GUCY1A2: variants seen among roughly 807,000 people sequenced by gnomAD.
The protein encoded by GUCY1A2 is guanylate cyclase soluble subunit alpha-2.
A neutral mutation model predicts 63.5 loss-of-function variants in GUCY1A2; 27 were observed. The ratio of observed to expected loss-of-function variants is 0.43; its 90% CI spans 0.31 to 0.59. The LOEUF (loss-of-function observed/expected upper bound fraction) is 0.59, where lower values mean the gene tolerates loss of function less well. Ranked by LOEUF, GUCY1A2 falls within the 20% of genes least tolerant of loss-of-function variation. GUCY1A2 has a pLI of 0.11. For synonymous variants in GUCY1A2, 364 were observed against 343.5 expected (o/e 1.06, Z -0.66); for missense variants, 768 against 913.3 (o/e 0.84, Z 2.05).
chr11:106,946,349 A>C (rs1860828364), intron 3 of GUCY1A2, among the ~76,000 whole-genome samples: 3 of 152,182 alleles, frequency 2.0e-5, no homozygotes, highest in African/African-American at 7.2e-5. Flanking sequence ...TCAAAACAGC[A>C]AAAGACCAGA....
intron 5 of GUCY1A2, among the ~76,000 whole-genome samples, chr11:106,782,441 C>T (rs1177639252): frequency 6.6e-6 from 1 of 152,172 alleles, no homozygotes; most frequent in African/African-American, 2.4e-5. Flanking sequence ...CCTCATCATG[C>T]TCAGGTGGGT....
intron 5 of GUCY1A2, among the ~76,000 whole-genome samples, chr11:106,781,251 A>G (rs1461241605): frequency 1.3e-5 from 2 of 152,156 alleles, no homozygotes; most frequent in African/African-American, 4.8e-5. Flanking sequence ...TATTTTCACC[A>G]TCTCCCACCT....
At chr11:106,868,899 C>T (rs1859633606) in intron 4 of GUCY1A2, among the ~76,000 whole-genome samples, 5 of 152,088 alleles carry the variant, frequency 3.3e-5, no homozygotes, top group Non-Finnish European at 5.9e-5. Flanking sequence ...GTACTGGTAC[C>T]AAAACAGAGA....
intron 4 of GUCY1A2, among the ~76,000 whole-genome samples, chr11:106,893,458 T>A (rs1190000753): frequency 1.3e-5 from 1 of 78,546 alleles, no homozygotes; most frequent in Non-Finnish European, 3.0e-5. Context: ...CTGTCACACA[T>A]AGGCCAAATA....
intron 3 of GUCY1A2, among the ~76,000 whole-genome samples, chr11:106,961,453 C>T (rs570618054): frequency 6.6e-6 from 1 of 152,222 alleles, no homozygotes; most frequent in East Asian, 1.9e-4. Flanking sequence ...TCCCTCAACA[C>T]TATTTAATTC....
intron 4 of GUCY1A2, among the ~76,000 whole-genome samples, chr11:106,817,557 G>A (rs1193953925): frequency 6.6e-6 from 1 of 152,012 alleles, no homozygotes; most frequent in Non-Finnish European, 1.5e-5. Context: ...TCAACAGTGT[G>A]AAGAAACGAC....
intron 1 of GUCY1A2, among the ~76,000 whole-genome samples, chr11:106,988,045 G>A (rs1861424093): frequency 6.6e-6 from 1 of 152,138 alleles, no homozygotes; most frequent in Non-Finnish European, 1.5e-5. Flanking sequence ...GCCTCAGACT[G>A]GCACAAATGT....
Position 106,676,922 on chromosome 11 carries a change from A to C in GUCY1A2, c.*10627T>G. The C allele has an allele frequency of 4.8e-6, 1 of 207,752 alleles. No homozygotes were observed. The highest frequency in any genetic ancestry group is 1.9e-4 in the South Asian group (1 of 5,298). 12.9% of individuals were successfully genotyped at this position (207,752 alleles called of 1,614,324 possible). On this transcript the variant is annotated 3_prime_UTR_variant, in exon 8 of 8. Coordinates refer to ENST00000526355, the MANE Select transcript of GUCY1A2 (RefSeq NM_000855.3). Reference sequence around the variant, plus strand: ...TGAAAAAGTGTTTAAATTCAATGAAAATGAACACACATAGATTTTTATAGA... The same window carrying C: ...TGAAAAAGTGTTTAAATTCAATGAACATGAACACACATAGATTTTTATAGA...
intron 3 of GUCY1A2, among the ~76,000 whole-genome samples, chr11:106,974,246 G>T (rs953121480): frequency 6.6e-6 from 1 of 152,028 alleles, no homozygotes; most frequent in African/African-American, 2.4e-5. Flanking sequence ...GTTATTTATT[G>T]CTATTAATCT....
chr11:106,876,564 C>T (rs1241841956), intron 4 of GUCY1A2, among the ~76,000 whole-genome samples: 1 of 152,072 alleles, frequency 6.6e-6, no homozygotes, highest in African/African-American at 2.4e-5. Context: ...ACAAATCATA[C>T]ATGACCAACC....
intron 6 of GUCY1A2, among the ~76,000 whole-genome samples, chr11:106,733,624 C>T (rs1341104289): frequency 6.6e-6 from 1 of 152,144 alleles, no homozygotes; most frequent in African/African-American, 2.4e-5. Flanking sequence ...AAGACTGGCT[C>T]TGAAGAACAG....
chr11:106,845,153 A>T (rs7943998), intron 4 of GUCY1A2, among the ~76,000 whole-genome samples: 1 of 151,432 alleles, frequency 6.6e-6, no homozygotes, highest in African/African-American at 2.4e-5. Context: ...TGTTTTGAAA[A>T]ATTATCAATG....
At chr11:106,767,002 C>T (rs1348535905) in intron 6 of GUCY1A2, among the ~76,000 whole-genome samples, 2 of 152,022 alleles carry the variant, frequency 1.3e-5, no homozygotes, top group African/African-American at 2.4e-5. Flanking sequence ...TTCCTAACTG[C>T]TTGGAAGTCT....
At chr11:106,852,695 C>T (rs1329035963) in intron 4 of GUCY1A2, among the ~76,000 whole-genome samples, 4 of 152,038 alleles carry the variant, frequency 2.6e-5, no homozygotes, top group East Asian at 3.9e-4. Context: ...GATGTGAAAT[C>T]GGGTTTGGTT....
chr11:106,997,784 T>C (rs919277262), intron 1 of GUCY1A2, among the ~76,000 whole-genome samples: 1 of 152,150 alleles, frequency 6.6e-6, no homozygotes, highest in African/African-American at 2.4e-5. Flanking sequence ...CACCCTTACA[T>C]TGGGCCTATC....
At chr11:107,015,485 G>T (rs1325145362) in intron 1 of GUCY1A2, among the ~76,000 whole-genome samples, 4 of 129,630 alleles carry the variant, frequency 3.1e-5, no homozygotes, top group African/African-American at 8.6e-5. Flanking sequence ...GTAAGTTGTT[G>T]AAAATAGTCT....
intron 7 of GUCY1A2, among the ~76,000 whole-genome samples, chr11:106,689,993 CAA>C (rs36069018): frequency 1.1e-4 from 12 of 106,782 alleles, no homozygotes; most frequent in Non-Finnish European, 9.9e-5. Flanking sequence ...GACTCAGTCT[CAA>C]AAAAAAAAAA....
chr11:106,762,457 A>G (rs2135392624), intron 6 of GUCY1A2, among the ~76,000 whole-genome samples: 1 of 152,250 alleles, frequency 6.6e-6, no homozygotes, highest in South Asian at 2.1e-4. Context: ...GCTTCTGTTA[A>G]TTCATCAAAT....
chr11:106,958,371 G>A (rs1003625353), intron 3 of GUCY1A2, among the ~76,000 whole-genome samples: 1 of 152,114 alleles, frequency 6.6e-6, no homozygotes, highest in African/African-American at 2.4e-5. Flanking sequence ...AATATCTCCA[G>A]TAATTACAAA....
Sources: gnomAD v4.1 joint callset for allele counts (sites outside exome capture counted in the v4.1 genomes callset) on GRCh38, gnomAD v4.1.1 for gene constraint, MANE v1.5 for transcripts, NCBI Gene and HGNC (gene_info 2026-07-23, HGNC 2026-07-21) for gene names.